The following CMIP variants were observed in gnomAD, a reference collection of about 807,000 sequenced individuals.
The protein encoded by CMIP is C-Maf-inducing protein.
Under a neutral mutation model 97.3 loss-of-function variants are expected in CMIP, and 13 were observed. The observed-to-expected ratio is 0.13, with a 90% CI of 0.09 to 0.21. The LOEUF (loss-of-function observed/expected upper bound fraction) is 0.21, where lower values mean the gene tolerates loss of function less well. Among genes scored for constraint, CMIP ranks in the 10% least tolerant of loss-of-function variants. CMIP has a pLI of 1.00. For synonymous variants in CMIP, 538 were observed against 436.3 expected, an observed-to-expected ratio of 1.23 and a Z score of -2.91; for missense variants, 847 against 1,024.9, an observed-to-expected ratio of 0.83 and a Z score of 2.37.
chr16:81,476,202 G>T, intron 1 of CMIP: 1 of 1,328,652 alleles, frequency 7.5e-7, no homozygotes. Context: ...AACCGTTTGT[G>T]TTGGGTCCAG....
chr16:81,602,068 T>A (rs1597134947), intron 1 of CMIP, among the ~76,000 whole-genome samples: 1 of 152,170 alleles, frequency 6.6e-6, no homozygotes, highest in African/African-American at 2.4e-5. Flanking sequence ...AAAACATGTT[T>A]CACAAGGATG....
At chr16:81,555,606 C>G (rs953650292) in intron 1 of CMIP, among the ~76,000 whole-genome samples, 1 of 152,232 alleles carries the variant, frequency 6.6e-6, no homozygotes, top group Non-Finnish European at 1.5e-5. Flanking sequence ...CCGGAGAGAT[C>G]TGAGATGACC....
intron 20 of CMIP, 146 bp from the exon 21 acceptor site, chr16:81,709,600 C>G: frequency 1.2e-6 from 1 of 816,834 alleles, no homozygotes; most frequent in Non-Finnish European, 2.0e-6. Flanking sequence ...GCCACCCACC[C>G]CTCCAAGAGC....
At chr16:81,525,220 C>G (rs1029450421) in intron 1 of CMIP, among the ~76,000 whole-genome samples, 1 of 152,078 alleles carries the variant, frequency 6.6e-6, no homozygotes, top group African/African-American at 2.4e-5. Context: ...CTCGGCTCCC[C>G]ACAACCACCA....
intron 1 of CMIP, among the ~76,000 whole-genome samples, chr16:81,508,445 C>G (rs2089750883): frequency 6.6e-6 from 1 of 152,274 alleles, no homozygotes; most frequent in Non-Finnish European, 1.5e-5. Context: ...ATCAGGACAG[C>G]TTCCCTGTTC....
At chr16:81,468,187 G>A (rs879846348) in intron 1 of CMIP, among the ~76,000 whole-genome samples, 9 of 152,326 alleles carry the variant, frequency 5.9e-5, no homozygotes, top group Middle Eastern at 3.4e-3. Context: ...TTCCTGGGCA[G>A]GGGCCAGAGG....
At chr16:81,580,656 G>A (rs995655152) in intron 1 of CMIP, among the ~76,000 whole-genome samples, 2 of 151,732 alleles carry the variant, frequency 1.3e-5, no homozygotes, top group Non-Finnish European at 2.9e-5. Context: ...GGCTGGTCTC[G>A]AACTCCTGAC....
At chr16:81,676,691 G>C (rs985881998) in intron 9 of CMIP, among the ~76,000 whole-genome samples, 1 of 152,174 alleles carries the variant, frequency 6.6e-6, no homozygotes. Flanking sequence ...AAACACCCTT[G>C]GTGGGCTCAG....
chr16:81,596,791 C>G (rs933731451), intron 1 of CMIP, among the ~76,000 whole-genome samples: 2 of 152,162 alleles, frequency 1.3e-5, no homozygotes, highest in Non-Finnish European at 2.9e-5. Flanking sequence ...ACCCTTTAGT[C>G]CTAGGCATAC....
intron 1 of CMIP, among the ~76,000 whole-genome samples, chr16:81,531,245 G>A (rs143364998): frequency 8.7e-4 from 133 of 152,304 alleles, no homozygotes; most frequent in Non-Finnish European, 1.4e-3. Context: ...AGCAGAGACA[G>A]ATTCAGCTGC....
chr16:81,546,316 G>A (rs2090545472), intron 1 of CMIP, among the ~76,000 whole-genome samples: 1 of 152,158 alleles, frequency 6.6e-6, no homozygotes, highest in Non-Finnish European at 1.5e-5. Flanking sequence ...CTTGTTCGCC[G>A]GCGGCAGAAG....
At chr16:81,569,833 G>A (rs916133475) in intron 1 of CMIP, among the ~76,000 whole-genome samples, 3 of 152,228 alleles carry the variant, frequency 2.0e-5, no homozygotes, top group African/African-American at 7.2e-5. Flanking sequence ...TAAAATGGGA[G>A]CAGTATTTGC....
chr16:81,647,315 G>A (rs1192315608), intron 3 of CMIP, among the ~76,000 whole-genome samples: 1 of 152,138 alleles, frequency 6.6e-6, no homozygotes, highest in African/African-American at 2.4e-5. Flanking sequence ...AAATATTTGG[G>A]GCTTTGTGGG....
intron 1 of CMIP, among the ~76,000 whole-genome samples, chr16:81,588,499 G>A (rs1249991111): frequency 6.6e-6 from 1 of 152,124 alleles, no homozygotes; most frequent in Non-Finnish European, 1.5e-5. Context: ...CTTGGGAGGC[G>A]CTGAGCAGTA....
intron 1 of CMIP, among the ~76,000 whole-genome samples, chr16:81,569,806 C>G (rs1190090858): frequency 6.6e-6 from 1 of 152,190 alleles, no homozygotes; most frequent in African/African-American, 2.4e-5. Flanking sequence ...CTCTCTGAGA[C>G]TCGGTTTTCT....
At chr16:81,527,851 G>C (rs7196069) in intron 1 of CMIP, among the ~76,000 whole-genome samples, 8,013 of 152,216 alleles carry the variant, frequency 0.053, 244 homozygotes, top group Middle Eastern at 0.085. Flanking sequence ...TCACGTTGTT[G>C]CCTTCTTAGG....
intron 1 of CMIP, 102 bp downstream of exon 1, chr16:81,445,643 G>A: frequency 7.8e-7 from 1 of 1,277,886 alleles, no homozygotes. Context: ...AGGGCCTGGG[G>A]GGCGGTGGGG....
intron 1 of CMIP, among the ~76,000 whole-genome samples, chr16:81,568,466 G>C (rs1365258571): frequency 6.6e-6 from 1 of 152,170 alleles, no homozygotes; most frequent in Non-Finnish European, 1.5e-5. Context: ...TGGGGCCCCG[G>C]GCAAGGGCAC....
intron 11 of CMIP, 143 bp downstream of exon 11, chr16:81,691,983 G>C: frequency 1.4e-6 from 1 of 721,332 alleles, no homozygotes; most frequent in South Asian, 1.6e-5. Context: ...TACCAGCTCA[G>C]CCACGTCCTC....
Sources: gnomAD v4.1 joint callset for allele counts (sites outside exome capture counted in the v4.1 genomes callset) on GRCh38, gnomAD v4.1.1 for gene constraint, MANE v1.5 for transcripts, NCBI Gene and HGNC (gene_info 2026-07-23, HGNC 2026-07-21) for gene names.